The following SLC2A2 variants were observed in gnomAD, a reference collection of about 807,000 sequenced individuals.
SLC2A2 encodes solute carrier family 2 member 2, also known as solute carrier family 2, facilitated glucose transporter member 2.
A neutral mutation model predicts 54.5 loss-of-function variants in SLC2A2; 36 were observed. The ratio of observed to expected loss-of-function variants is 0.66; its 90% confidence interval spans 0.51 to 0.87. The LOEUF (loss-of-function observed/expected upper bound fraction) is 0.87. SLC2A2 is among the 40% of genes least tolerant of loss of function. The probability of loss-of-function intolerance (pLI) is 0.00; values close to 1 mark genes in which losing one functional copy is unlikely to be tolerated. For missense variants in SLC2A2, 543 were observed against 624.3 expected (o/e 0.87, Z 1.39); for synonymous variants, 223 against 219.1 (o/e 1.02, Z -0.16).
intron 3 of SLC2A2, among the ~76,000 whole-genome samples, chr3:171,014,089 T>G (rs1004696552): frequency 6.6e-6 from 1 of 152,192 alleles, no homozygotes; most frequent in Admixed American, 6.5e-5. Flanking sequence ...GTTTGAGACA[T>G]AGTGTGATTT....
At chr3:171,026,631 T>G (rs1183539371) in intron 1 of SLC2A2, 25 bp downstream of exon 1, 6 of 1,607,416 alleles carry the variant, frequency 3.7e-6, no homozygotes, top group South Asian at 1.1e-5. Flanking sequence ...AAACCAGACT[T>G]GAAATGAATA....
At chr3:171,005,571 G>T in intron 6 of SLC2A2, 99 bp from the exon 7 acceptor site, 1 of 923,598 alleles carries the variant, frequency 1.1e-6, no homozygotes, top group Non-Finnish European at 1.7e-6. Flanking sequence ...ATGCCCCATT[G>T]TATTACTTAA....
intron 5 of SLC2A2, 31 bp downstream of exon 5, chr3:171,007,117 G>A (rs776566910): frequency 1.7e-6 from 2 of 1,194,840 alleles, no homozygotes; most frequent in African/African-American, 3.0e-5. Flanking sequence ...GTAGATGGGT[G>A]CAGTAGGGGA....
intron 1 of SLC2A2, among the ~76,000 whole-genome samples, chr3:171,026,103 A>G (rs944822505): frequency 2.6e-5 from 4 of 152,218 alleles, no homozygotes; most frequent in African/African-American, 9.6e-5. Flanking sequence ...AGATACCATT[A>G]TTATATCCAA....
intron 6 of SLC2A2, 118 bp downstream of exon 6, chr3:171,005,825 A>G (rs1457271775): frequency 4.0e-5 from 42 of 1,045,130 alleles, no homozygotes; most frequent in Non-Finnish European, 6.2e-5. Flanking sequence ...AGTCATATAA[A>G]AGCGATTTTG....
chr3:170,997,847 A>G lies in SLC2A2; in HGVS notation c.*56T>C. Reference sequence around the variant, plus strand: ...TAAAATGCTCAAGGAATCATCATTTAAAAACAGACGGTTCCCTTATTGTTT... The same window carrying G: ...TAAAATGCTCAAGGAATCATCATTTGAAAACAGACGGTTCCCTTATTGTTT... On this transcript the variant is annotated 3_prime_UTR_variant, in exon 11 of 11. Coordinates refer to ENST00000314251, the MANE Select transcript of SLC2A2 (RefSeq NM_000340.2). 1 of 1,420,780 alleles carries G rather than the reference A, an allele frequency of 7.0e-7. No individual in the cohort carries two copies. The highest frequency in any genetic ancestry group is 9.9e-7 in the Non-Finnish European group (1 of 1,011,634). The allele number at this position is 1,420,780 out of a possible 1,614,324, so 88.0% of individuals were successfully genotyped here.
rs1043837555 is a variant in SLC2A2 at position 170,997,895 on chromosome 3, T to G, written c.*8A>C. On this transcript the variant is annotated 3_prime_UTR_variant, in exon 11 of 11. Coordinates refer to ENST00000314251, the MANE Select transcript of SLC2A2 (RefSeq NM_000340.2). ...TTTCTGTTCATGTCAAAAAGCAGGG[T>G]TTTTTTTTTACACAGTCTCTGTAGC... 1.0e-5 allele frequency: 15 copies of G among 1,477,828 alleles called. No individual in the cohort carries two copies. Among genetic ancestry groups the G allele is most frequent in the African/African-American group, 4.3e-5 (3 of 70,328 alleles). 91.5% of individuals were successfully genotyped at this position (1,477,828 alleles called of 1,614,324 possible).
rs770462591 is a variant in SLC2A2, at chr3:170,997,946, G to A, written c.1532C>T (p.Ala511Val). The change falls in exon 11 of 11, where the codon GCT becomes GTT. Residue 511 changes from alanine to valine, a missense_variant. Ala to Val is a moderately conservative substitution (Grantham distance 64, BLOSUM62 0). This residue lies in a region of SLC2A2 where 108 missense variants were observed against 101.3 expected (regional missense o/e 1.07). Transcript: ENST00000314251. ...KKSGSAHRPKAAVEMKFLGAT... is the reference protein window; with the variant it reads ...KKSGSAHRPKVAVEMKFLGAT... ...TCCTAGGAATTTCATTTCTACAGCA[G>A]CTTTTGGCCTGTGGGCTGAGCCACT... is the stretch of plus-strand genomic sequence containing the variant. 3.1e-6 allele frequency: 5 copies of A among 1,613,494 alleles called. No homozygotes were observed. The highest frequency in any genetic ancestry group is 2.2e-5 in the South Asian group (2 of 91,078).
intron 3 of SLC2A2, 78 bp from the exon 4 acceptor site, chr3:171,010,160 A>ATT (rs368885987): frequency 8.3e-6 from 12 of 1,449,154 alleles, no homozygotes; most frequent in Middle Eastern, 1.8e-4. Flanking sequence ...GCATGTTGAG[A>ATT]TTTTTTTTAA....
chr3:171,025,455 G>T (rs1421172782), intron 1 of SLC2A2, among the ~76,000 whole-genome samples: 3 of 151,830 alleles, frequency 2.0e-5, no homozygotes, highest in African/African-American at 4.8e-5. Context: ...TAACTCTAAA[G>T]TACTAGTATA....
At chr3:171,012,600 A>G (rs573437415) in intron 3 of SLC2A2, among the ~76,000 whole-genome samples, 2 of 152,294 alleles carry the variant, frequency 1.3e-5, no homozygotes, top group East Asian at 3.9e-4. Flanking sequence ...TTGCAAGGAA[A>G]CACTTTTTTT....
At chr3:171,005,617 T>A in intron 6 of SLC2A2, 145 bp from the exon 7 acceptor site, 1 of 695,834 alleles carries the variant, frequency 1.4e-6, no homozygotes, top group Non-Finnish European at 2.4e-6. Context: ...TTTGTTAAAT[T>A]AGATCCTGCT....
chr3:171,003,832 T>C (rs574966333), intron 7 of SLC2A2, among the ~76,000 whole-genome samples: 1 of 152,134 alleles, frequency 6.6e-6, no homozygotes, highest in East Asian at 1.9e-4. Flanking sequence ...TTGATAGATA[T>C]TGCCAGATAG....
Position 171,006,072 on chromosome 3 carries a change from C to T in SLC2A2, c.646G>A (p.Asp216Asn). ...IGLEFILGNYDLWHILLGLSG... is the reference protein window; with the variant it reads ...IGLEFILGNYNLWHILLGLSG... ...AGGCCAAGCAGGATGTGCCACAGATCATAATTGCCCAAGATAAATTCAAGA... is the reference window on the plus strand; with the variant it reads ...AGGCCAAGCAGGATGTGCCACAGATTATAATTGCCCAAGATAAATTCAAGA... Residue 216 changes from aspartate to asparagine, a missense_variant, in exon 6 of 11, where the codon GAT becomes AAT. Transcript: ENST00000314251. 1.2e-6 allele frequency: 2 copies of T among 1,612,500 alleles called. No individual in the cohort carries two copies. The highest frequency in any genetic ancestry group is 1.7e-6 in the Non-Finnish European group (2 of 1,179,014).
Position 170,997,926 on chromosome 3 carries a change from G to C in SLC2A2, c.1552C>G (p.Leu518Val). The change falls in exon 11 of 11, where the codon CTA becomes GTA. Residue 518 changes from leucine to valine, a missense_variant. Leu to Val is a conservative substitution (Grantham distance 32). Transcript: ENST00000314251. The part of the protein sequence containing the change: ...RPKAAVEMKF[L>V]GATETV Reference sequence around the variant, plus strand: ...TTTTACACAGTCTCTGTAGCTCCTAGGAATTTCATTTCTACAGCAGCTTTT... The same window carrying C: ...TTTTACACAGTCTCTGTAGCTCCTACGAATTTCATTTCTACAGCAGCTTTT... 6.2e-7 allele frequency: 1 copy of C among 1,613,214 alleles called. No individual in the cohort carries two copies. The highest frequency in any genetic ancestry group is 8.5e-7 in the Non-Finnish European group (1 of 1,179,594).
rs115690618 is a variant in SLC2A2 at position 171,021,039 on chromosome 3, T to C, written c.16-2416A>G. Among the ~76,000 whole-genome samples, 759 of 152,212 alleles carry C rather than the reference T, an allele frequency of 5.0e-3. 10 individuals carry two copies. The highest frequency in any genetic ancestry group is 0.03 in the South Asian group (147 of 4,826). On this transcript the variant is annotated intron_variant, in intron 1 of 10. Coordinates refer to ENST00000314251, the MANE Select transcript of SLC2A2 (RefSeq NM_000340.2). ...TTATACATAAAATGCATACACACAC[T>C]ATATGATATATGGTCTATGTGAGTA...
intron 1 of SLC2A2, among the ~76,000 whole-genome samples, chr3:171,024,710 C>T (rs1716607176): frequency 6.6e-6 from 1 of 152,066 alleles, no homozygotes; most frequent in Non-Finnish European, 1.5e-5. Context: ...TCTCACAGGC[C>T]AAGTTGTTTA....
intron 1 of SLC2A2, among the ~76,000 whole-genome samples, chr3:171,019,809 TCAAA>T (rs1169632997): frequency 3.3e-5 from 5 of 152,318 alleles, no homozygotes; most frequent in Admixed American, 1.3e-4. Context: ...ATTTAAAAAA[TCAAA>T]CAGTTATTTG....
rs1715551999 is a variant in SLC2A2 at position 171,005,453 on chromosome 3, T to C, written c.795A>G (p.Gly265=). The C allele has an allele frequency of 6.8e-6, 11 of 1,612,290 alleles. No homozygotes were observed. The highest frequency in any genetic ancestry group is 9.3e-6 in the Non-Finnish European group (11 of 1,178,958). Residue 265 remains glycine, a synonymous_variant, in exon 7 of 11, where the codon GGA becomes GGG. Coordinates refer to ENST00000314251, the MANE Select transcript of SLC2A2 (RefSeq NM_000340.2). ...KAKQSLKRLR[G]YDDVTKDINE... is the part of the protein sequence containing the mutation. ...TAATATCTTTGGTGACATCATCATA[T>C]CCTCTGAGTCTTTTCAAGCCTGTCC...
Sources: allele counts gnomAD v4.1 joint callset (sites outside exome capture counted in the v4.1 genomes callset), GRCh38; gene constraint gnomAD v4.1.1; regional missense constraint gnomAD v4.1.1; transcripts MANE v1.5; gene names NCBI Gene and HGNC (gene_info 2026-07-23, HGNC 2026-07-21).